The following SH3D19 variants were observed in gnomAD, a reference collection of about 807,000 sequenced individuals.
The protein encoded by SH3D19 is SH3 domain containing 19.
Under a neutral mutation model 112.1 loss-of-function variants are expected in SH3D19, and 58 were observed. The ratio of observed to expected loss-of-function variants is 0.52; its 90% CI spans 0.42 to 0.64. SH3D19 has a LOEUF of 0.64. SH3D19 is among the 30% of genes least tolerant of loss of function. The pLI, the probability that SH3D19 is intolerant of heterozygous loss-of-function variation, is 0.00. For synonymous variants in SH3D19, 391 were observed against 448.5 expected, an observed-to-expected ratio of 0.87 and a Z score of 1.62; for missense variants, 1,090 against 1,263.4, an observed-to-expected ratio of 0.86 and a Z score of 2.08.
chr4:151,153,385 T>G (rs1043628289), intron 9 of SH3D19, among the ~76,000 whole-genome samples: 3 of 151,966 alleles, frequency 2.0e-5, no homozygotes, highest in Admixed American at 6.6e-5. Context: ...TAGCTAGGAT[T>G]ACAGGCGTGC....
intron 1 of SH3D19, among the ~76,000 whole-genome samples, chr4:151,316,516 C>T (rs1057447943): frequency 2.0e-5 from 3 of 151,926 alleles, no homozygotes; most frequent in Admixed American, 1.3e-4. Flanking sequence ...TATATGGGAG[C>T]TCTTTGTACT....
At chr4:151,277,967 G>T (rs1399640123) in intron 1 of SH3D19, among the ~76,000 whole-genome samples, 1 of 152,172 alleles carries the variant, frequency 6.6e-6, no homozygotes, top group Non-Finnish European at 1.5e-5. Context: ...CTTGAGCCTG[G>T]AAAGTGGAGG....
intron 2 of SH3D19, among the ~76,000 whole-genome samples, chr4:151,218,430 CTTTTTT>C (rs972332468): frequency 8.1e-5 from 12 of 147,386 alleles, no homozygotes; most frequent in Non-Finnish European, 1.8e-4. Context: ...TTTTTTCTTT[CTTTTTT>C]AAGAGACAGG....
At chr4:151,166,589 G>C (rs1373972457) in intron 7 of SH3D19, among the ~76,000 whole-genome samples, 2 of 151,692 alleles carry the variant, frequency 1.3e-5, no homozygotes, top group African/African-American at 4.8e-5. Flanking sequence ...ACACAGGATC[G>C]CATGAGACTG....
intron 1 of SH3D19, among the ~76,000 whole-genome samples, chr4:151,254,784 T>C (rs1430755290): frequency 6.6e-6 from 1 of 151,612 alleles, no homozygotes; most frequent in Non-Finnish European, 1.5e-5. Context: ...CCCGCCTTTC[T>C]ATTCCACAAA....
Position 151,143,972 on chromosome 4 carries a change from C to A in SH3D19, c.2161G>T (p.Val721Phe). Residue 721 changes from valine (V) to phenylalanine (F), a missense_variant, in exon 12 of 20, where the codon GTT (valine) becomes TTT (phenylalanine). Val to Phe is a conservative substitution (Grantham distance 50, BLOSUM62 -1). Transcript: ENST00000604030. ...ECQKGEDTGR[V>F]HLSQMKIITP... ...ATAATCTTCATTTGAGACAGGTGAACTCTGCCAGTGTCTTCTCCCTTTTGG... is the reference window on the plus strand; with the variant it reads ...ATAATCTTCATTTGAGACAGGTGAAATCTGCCAGTGTCTTCTCCCTTTTGG... The A allele has an allele frequency of 6.2e-7, 1 of 1,614,112 alleles. No individual in the cohort carries two copies. The highest frequency in any genetic ancestry group is 8.5e-7 in the Non-Finnish European group (1 of 1,180,004).
chr4:151,314,901 A>G (rs1729840790), intron 1 of SH3D19, among the ~76,000 whole-genome samples: 1 of 152,186 alleles, frequency 6.6e-6, no homozygotes, highest in African/African-American at 2.4e-5. Flanking sequence ...GGTGGGAGGA[A>G]GATGGTAAGG....
intron 2 of SH3D19, among the ~76,000 whole-genome samples, chr4:151,224,201 C>T (rs1406482297): frequency 6.6e-6 from 1 of 151,840 alleles, no homozygotes; most frequent in South Asian, 2.1e-4. Flanking sequence ...CCCAGCTACT[C>T]GGGAGGCTGA....
intron 3 of SH3D19, among the ~76,000 whole-genome samples, chr4:151,187,048 C>A (rs565585571): frequency 6.6e-6 from 1 of 151,906 alleles, no homozygotes; most frequent in Non-Finnish European, 1.5e-5. Context: ...CCTGCCTTGG[C>A]CTCCCAAAGT....
intron 19 of SH3D19, among the ~76,000 whole-genome samples, chr4:151,124,442 G>A (rs1462077634): frequency 6.6e-6 from 1 of 151,902 alleles, no homozygotes; most frequent in Admixed American, 6.6e-5. Flanking sequence ...GTTTTGGCCG[G>A]GTGCAGTGGC....
chr4:151,275,632 T>C (rs1773536410), intron 1 of SH3D19, among the ~76,000 whole-genome samples: 1 of 152,142 alleles, frequency 6.6e-6, no homozygotes, highest in Non-Finnish European at 1.5e-5. Context: ...GTGATCCTCC[T>C]GCCTCAGCCT....
chr4:151,316,683 A>G (rs1730018986), intron 1 of SH3D19, among the ~76,000 whole-genome samples: 1 of 151,612 alleles, frequency 6.6e-6, no homozygotes, highest in Admixed American at 6.6e-5. Flanking sequence ...AAAAGAAAAA[A>G]AAGGAAAATA....
chr4:151,201,338 C>T (rs1246127105), intron 2 of SH3D19, among the ~76,000 whole-genome samples: 4 of 152,198 alleles, frequency 2.6e-5, no homozygotes, highest in South Asian at 2.1e-4. Flanking sequence ...ATTTCCCATA[C>T]CCCTTATTGC....
chr4:151,179,291 T>G, intron 4 of SH3D19, 64 bp downstream of exon 4: 2 of 932,704 alleles, frequency 2.1e-6, no homozygotes, highest in Non-Finnish European at 2.8e-6. Flanking sequence ...ATTTGCTACC[T>G]GATAACACAC....
At chr4:151,221,949 C>G (rs1486134366) in intron 2 of SH3D19, among the ~76,000 whole-genome samples, 1 of 152,136 alleles carries the variant, frequency 6.6e-6, no homozygotes, top group Non-Finnish European at 1.5e-5. Flanking sequence ...GTATTCTGAG[C>G]CAGAACAGAG....
In SH3D19 at chr4:151,260,368, C is replaced by T. The variant is rs376256414; in HGVS notation, c.113-34282G>A. 6.4e-4 allele frequency among the ~76,000 whole-genome samples: 98 copies of T among 152,292 alleles called. 1 individual carries two copies. In the Middle Eastern group the frequency reaches 0.014, roughly 21 times the overall value. On this transcript the variant is annotated intron_variant, in intron 1 of 19. Transcript: ENST00000604030. ...ATGGTCAGAAAAGGTAATTTTACCACCATCACTGTCCCCCAATCTTTTTCT... is the reference window on the plus strand; with the variant it reads ...ATGGTCAGAAAAGGTAATTTTACCATCATCACTGTCCCCCAATCTTTTTCT...
At position 151,265,576 on chromosome 4, in the gene SH3D19, T is replaced by TTC. The variant is rs1172515907; in HGVS notation, c.113-39491_113-39490insGA. On this transcript the variant is annotated intron_variant, in intron 1 of 19. Coordinates refer to ENST00000604030, the MANE Select transcript of SH3D19 (RefSeq NM_001378122.1). Reference sequence around the variant, plus strand: ...ATTTATTTTATTTCTTTTCTTTTTTTTTTTTTTTTTTTTTTTTAAAGACAG... The same window carrying TTC: ...ATTTATTTTATTTCTTTTCTTTTTTTTCTTTTTTTTTTTTTTTTTAAAGACAG... Among the ~76,000 whole-genome samples the TTC allele has an allele frequency of 9.8e-3, 1,425 of 145,776 alleles. 13 individuals are homozygous for TTC. The highest frequency in any genetic ancestry group is 0.012 in the Non-Finnish European group (806 of 66,368).
chr4:151,268,822 T>C (rs1773017617), intron 1 of SH3D19, among the ~76,000 whole-genome samples: 1 of 150,706 alleles, frequency 6.6e-6, no homozygotes, highest in African/African-American at 2.4e-5. Context: ...TGCCACATTT[T>C]CTTAATCCAG....
At chr4:151,167,699 TG>T (rs1350108506) in intron 7 of SH3D19, among the ~76,000 whole-genome samples, 1 of 152,162 alleles carries the variant, frequency 6.6e-6, no homozygotes, top group Non-Finnish European at 1.5e-5. Context: ...CCGCCCCATC[TG>T]GGAAGTGAGG....
Sources: gnomAD v4.1 joint callset for allele counts (sites outside exome capture counted in the v4.1 genomes callset) on GRCh38, gnomAD v4.1.1 for gene constraint, MANE v1.5 for transcripts, NCBI Gene and HGNC (gene_info 2026-07-23, HGNC 2026-07-21) for gene names.